The following TJP2 variants were observed in gnomAD, a reference collection of about 807,000 sequenced individuals.
TJP2 encodes the protein tight junction protein 2.
Under a neutral mutation model 133.1 loss-of-function variants are expected in TJP2, and 91 were observed. The ratio of observed to expected loss-of-function variants is 0.68; its 90% CI spans 0.58 to 0.81. The LOEUF is 0.81. TJP2 is among the 40% of genes least tolerant of loss of function. TJP2 has a pLI of 0.00. For synonymous variants in TJP2, 592 were observed against 583.4 expected (o/e 1.01, Z -0.21); for missense variants, 1,541 against 1,565.6 (o/e 0.98, Z 0.26).
intron 1 of TJP2, 45 bp downstream of exon 1, chr9:69,174,477 C>CGTGAGA (rs2132936990): frequency 6.5e-7 from 1 of 1,534,328 alleles, no homozygotes; most frequent in South Asian, 1.2e-5. Flanking sequence ...GGGTCGTGAG[C>CGTGAGA]GTGAGCGTGG....
intron 1 of TJP2, among the ~76,000 whole-genome samples, chr9:69,194,254 T>G (rs1050215670): frequency 6.6e-6 from 1 of 152,224 alleles, no homozygotes; most frequent in African/African-American, 2.4e-5. Flanking sequence ...TCACTGTTTT[T>G]GAAAATAAGT....
chr9:69,207,934 G>A (rs1827565740), intron 1 of TJP2, among the ~76,000 whole-genome samples: 1 of 152,342 alleles, frequency 6.6e-6, no homozygotes, highest in African/African-American at 2.4e-5. Context: ...AAGACACTCA[G>A]TAGTTTGCTC....
intron 15 of TJP2, among the ~76,000 whole-genome samples, chr9:69,238,295 G>A (rs969196608): frequency 6.6e-6 from 1 of 152,050 alleles, no homozygotes; most frequent in African/African-American, 2.4e-5. Context: ...ACATTGATGT[G>A]GTGTGATTTT....
chr9:69,157,558 C>A (rs975670617), intron 2 of TJP2, among the ~76,000 whole-genome samples: 1 of 151,926 alleles, frequency 6.6e-6, no homozygotes, highest in Admixed American at 6.6e-5. Flanking sequence ...CTCCACCTCC[C>A]GGGTTCAAGC....
chr9:69,190,768 T>A (rs1205572536), intron 1 of TJP2, among the ~76,000 whole-genome samples: 1 of 152,138 alleles, frequency 6.6e-6, no homozygotes, highest in Admixed American at 6.6e-5. Flanking sequence ...ATAAATTGAG[T>A]CTGGTGGTTG....
At position 69,251,175 on chromosome 9, in the gene TJP2, C is replaced by T; in HGVS notation, c.3132C>T (p.Thr1044=). The change falls in exon 21 of 23, where the codon ACC becomes ACT. Residue 1044 remains threonine, a synonymous_variant. Transcript: ENST00000377245. ...GYPPPVAAKP[T]FGRSILKPST... is the part of the protein sequence containing the mutation. ...CTCCTCCTGTTGCAGCAAAACCTAC[C>T]TTTGGGCGGTCTATACTGAAGCCCT... 1 of 1,614,152 alleles carries T rather than the reference C, an allele frequency of 6.2e-7. No homozygotes were observed. The highest frequency in any genetic ancestry group is 8.5e-7 in the Non-Finnish European group (1 of 1,180,036).
rs551760137 is a variant in TJP2, at chr9:69,240,453, C to G, written c.2566+306C>G. 2.0e-5 allele frequency among the ~76,000 whole-genome samples: 3 copies of G among 152,338 alleles called. No homozygotes were observed. The South Asian group carries it at 6.2e-4, about 32-fold the overall frequency. ...ATTGAGCCAGGCCAAACACCTATGT[C>G]TCTCTAGAGATTGTGTCATTGTTCT... On this transcript the variant is annotated intron_variant, in intron 17 of 22. Coordinates refer to ENST00000377245, the MANE Select transcript of TJP2 (RefSeq NM_004817.4).
chr9:69,221,142 AGCCTGGAGCGGG>A lies in TJP2; in HGVS notation c.606_617del (p.Glu202_Leu205del), dbSNP rs1454232082. On this transcript the variant is annotated inframe_deletion, in exon 5 of 23. Transcript: ENST00000377245. ...CAGCCGGGACCGGAGCCGTGGCCGG[AGCCTGGAGCGGG>A]GCCTGGACCAAGACCATGCGCGCAC... 1 of 1,592,796 alleles carries A rather than the reference AGCCTGGAGCGGG, an allele frequency of 6.3e-7. No individual in the cohort carries two copies. The highest frequency in any genetic ancestry group is 1.7e-5 in the Admixed American group (1 of 57,618).
chr9:69,188,882 C>T (rs1437606309), intron 1 of TJP2, among the ~76,000 whole-genome samples: 1 of 152,108 alleles, frequency 6.6e-6, no homozygotes, highest in African/African-American at 2.4e-5. Flanking sequence ...TCATTAATAT[C>T]AGGAAAAACT....
intron 1 of TJP2, among the ~76,000 whole-genome samples, chr9:69,182,782 G>T (rs1317093653): frequency 7.6e-6 from 1 of 131,448 alleles, no homozygotes; most frequent in Non-Finnish European, 1.6e-5. Context: ...AGAGCTTGAT[G>T]AATTTCTTTT....
intron 1 of TJP2, among the ~76,000 whole-genome samples, chr9:69,194,284 C>T (rs539277632): frequency 6.6e-6 from 1 of 152,016 alleles, no homozygotes; most frequent in Non-Finnish European, 1.5e-5. Flanking sequence ...TTCTTAATAC[C>T]TGGCATTCTG....
chr9:69,174,393 C>A lies in TJP2; in HGVS notation c.21C>A (p.Arg7=). MPVRGD[R]GFPPRRELSG... is the part of the protein sequence containing the mutation. ...CCGAAATGCCGGTGCGAGGAGACCG[C>A]GGGTTTCCACCCCGGCGGGAGCTGT... The change falls in exon 1 of 23, where the codon CGC becomes CGA. Residue 7 remains arginine, a synonymous_variant. Coordinates refer to ENST00000377245, the MANE Select transcript of TJP2 (RefSeq NM_004817.4). 1 of 1,551,962 alleles carries A rather than the reference C, an allele frequency of 6.4e-7. No homozygotes were observed.
chr9:69,171,789 ATTTTTTTTT>A (rs34717893), upstream of TJP2, among the ~76,000 whole-genome samples: 37 of 86,758 alleles, frequency 4.3e-4, no homozygotes, highest in East Asian at 4.1e-4. Flanking sequence ...GAGTAGAAGA[ATTTTTTTTT>A]TTTTTTTTTT....
At chr9:69,188,252 A>G (rs1187748846) in intron 1 of TJP2, among the ~76,000 whole-genome samples, 1 of 152,116 alleles carries the variant, frequency 6.6e-6, no homozygotes, top group African/African-American at 2.4e-5. Context: ...AGGAGATCAC[A>G]GGGCTGATGT....
chr9:69,157,706 G>T (rs1823844549), intron 2 of TJP2, among the ~76,000 whole-genome samples: 1 of 152,078 alleles, frequency 6.6e-6, no homozygotes, highest in Admixed American at 6.6e-5. Flanking sequence ...TGATCCATCT[G>T]CCTTGACCTC....
rs1190698949 is a variant in TJP2, at chr9:69,163,303, A to G, written c.-10+11532A>G. Among the ~76,000 whole-genome samples the G allele has an allele frequency of 1.3e-5, 2 of 148,844 alleles. 1 individual carries two copies. Among genetic ancestry groups the G allele is most frequent in the Non-Finnish European group, 3.0e-5 (2 of 67,298 alleles). On this transcript the variant is annotated intron_variant, in intron 2 of 5. Transcript: ENST00000423935. ...CGGCCTCCCAAAGTGCTGGGATTAC[A>G]GGCGTGAGCCACCGCGCCCGGCCTC...
At position 69,230,108 on chromosome 9, in the gene TJP2, A is replaced by G; in HGVS notation, c.1547A>G (p.Lys516Arg). ...CCTAATACCAAAATGGTAAGGTTCA[A>G]GAAGGGAGACAGCGTGGGCCTCCGG... ...YGPNTKMVRF[K>R]KGDSVGLRLA... The change falls in exon 11 of 23, where the codon AAG (lysine) becomes AGG (arginine). Residue 516 changes from lysine (K) to arginine (R), a missense_variant. Coordinates refer to ENST00000377245, the MANE Select transcript of TJP2 (RefSeq NM_004817.4). 1.2e-6 allele frequency: 2 copies of G among 1,614,206 alleles called. No homozygotes were observed. Among genetic ancestry groups the G allele is most frequent in the South Asian group, 2.2e-5 (2 of 91,084 alleles).
chr9:69,170,999 C>G (rs796892261), upstream of TJP2, among the ~76,000 whole-genome samples: 8 of 152,328 alleles, frequency 5.3e-5, no homozygotes, highest in African/African-American at 1.9e-4. Flanking sequence ...ATAGGAGACA[C>G]TTGATACATA....
At chr9:69,249,295 A>C (rs1043242240) in intron 19 of TJP2, 80 bp from the exon 20 acceptor site, 3 of 1,547,268 alleles carry the variant, frequency 1.9e-6, no homozygotes, top group Non-Finnish European at 2.6e-6. Flanking sequence ...TCAAGTTTGC[A>C]GAACTCCTCC....
Sources: allele counts gnomAD v4.1 joint callset (sites outside exome capture counted in the v4.1 genomes callset), GRCh38; gene constraint gnomAD v4.1.1; transcripts MANE v1.5; gene names NCBI Gene and HGNC (gene_info 2026-07-23, HGNC 2026-07-21).